The following ACSS3 variants were observed in gnomAD, a reference collection of about 807,000 sequenced individuals.
ACSS3 encodes the protein acyl-CoA synthetase short-chain family member 3, mitochondrial.
ACSS3 carries 64 observed loss-of-function variants against 84.2 expected under a neutral mutation model. That is an observed-to-expected ratio of 0.76 (90% CI 0.62 to 0.94). The LOEUF (loss-of-function observed/expected upper bound fraction) is 0.94, where lower values mean the gene tolerates loss of function less well. Ranked by LOEUF, ACSS3 falls within the 40% of genes least tolerant of loss-of-function variation. The pLI is 0.00. For missense variants in ACSS3, 815 were observed against 867.6 expected, an observed-to-expected ratio of 0.94 and a Z score of 0.76; for synonymous variants, 317 against 310.1, an observed-to-expected ratio of 1.02 and a Z score of -0.23.
intron 2 of ACSS3, among the ~76,000 whole-genome samples, chr12:81,133,582 C>T (rs1885636245): frequency 6.6e-6 from 1 of 152,024 alleles, no homozygotes; most frequent in African/African-American, 2.4e-5. Context: ...TCAACTTCTA[C>T]ATGTCTTACA....
chr12:81,134,797 T>C lies in ACSS3; in HGVS notation c.457-19T>C. ...AATAATACAAAATACACTTTACTGA[T>C]TTAATGGTCTTGGCATAGGTCTCCA... On this transcript the variant is annotated intron_variant, in intron 2 of 15. Transcript: ENST00000548058. 6.7e-7 allele frequency: 1 copy of C among 1,501,028 alleles called. No homozygotes were observed. The allele number at this position is 1,501,028 out of a possible 1,614,324, so 93.0% of individuals were successfully genotyped here.
At chr12:81,104,248 A>G (rs1346085584) in intron 1 of ACSS3, among the ~76,000 whole-genome samples, 1 of 152,134 alleles carries the variant, frequency 6.6e-6, no homozygotes, top group Non-Finnish European at 1.5e-5. Context: ...TTAAGAAGCT[A>G]GCAACCGAGA....
chr12:81,223,052 T>C (rs2033161411), intron 11 of ACSS3, among the ~76,000 whole-genome samples: 1 of 152,046 alleles, frequency 6.6e-6, no homozygotes, highest in Non-Finnish European at 1.5e-5. Context: ...GAAATAAAAC[T>C]ATGAGTCAGT....
intron 1 of ACSS3, among the ~76,000 whole-genome samples, chr12:81,097,703 G>T (rs1333097881): frequency 1.3e-5 from 2 of 152,160 alleles, no homozygotes; most frequent in Non-Finnish European, 2.9e-5. Flanking sequence ...GTCTGATGTG[G>T]TTATTGAAAG....
chr12:81,183,011 A>G (rs1219066676), intron 8 of ACSS3, among the ~76,000 whole-genome samples: 1 of 152,172 alleles, frequency 6.6e-6, no homozygotes, highest in Non-Finnish European at 1.5e-5. Flanking sequence ...AAAAATTTTA[A>G]CTGGCAAAGG....
chr12:81,247,567 A>T (rs1472696536), intron 13 of ACSS3, among the ~76,000 whole-genome samples: 2 of 152,066 alleles, frequency 1.3e-5, no homozygotes, highest in African/African-American at 4.8e-5. Context: ...CAGACCTTAA[A>T]TCTTTAAGTT....
intron 8 of ACSS3, among the ~76,000 whole-genome samples, chr12:81,188,752 T>G (rs2031411392): frequency 6.6e-6 from 1 of 152,156 alleles, no homozygotes; most frequent in Non-Finnish European, 1.5e-5. Flanking sequence ...TCAGTTTATT[T>G]ACCTATTTTG....
At chr12:81,089,588 A>T (rs2121319334) in intron 1 of ACSS3, among the ~76,000 whole-genome samples, 1 of 152,096 alleles carries the variant, frequency 6.6e-6, no homozygotes, top group East Asian at 1.9e-4. Flanking sequence ...TGAGTCAAAA[A>T]TATATGTGCA....
chr12:81,206,225 T>C (rs1393409563), intron 9 of ACSS3, among the ~76,000 whole-genome samples: 1 of 152,052 alleles, frequency 6.6e-6, no homozygotes, highest in Non-Finnish European at 1.5e-5. Flanking sequence ...TGCACTATGG[T>C]GGGAGGGTTT....
At position 81,204,810 on chromosome 12, in the gene ACSS3, C is replaced by A. The variant is rs150779724; in HGVS notation, c.1354+5366C>A. The stretch of plus-strand genomic sequence containing the variant: ...CATAGTTGAAATGAAGTAATGACCA[C>A]CAACTTGAGCAGCACTAGGTGATTT... On this transcript the variant is annotated intron_variant, in intron 9 of 15. Transcript: ENST00000548058. 2.1e-3 allele frequency among the ~76,000 whole-genome samples: 320 copies of A among 152,226 alleles called. 1 individual carries two copies. Among genetic ancestry groups the A allele is most frequent in the African/African-American group, 7.0e-3 (291 of 41,554 alleles).
intron 5 of ACSS3, chr12:81,151,630 T>C: frequency 2.3e-6 from 1 of 427,536 alleles, no homozygotes; most frequent in South Asian, 4.4e-5. Flanking sequence ...GAATGGATTC[T>C]AAAAATGGCA....
chr12:81,092,352 AT>A (rs1381413864), intron 1 of ACSS3, among the ~76,000 whole-genome samples: 1 of 152,150 alleles, frequency 6.6e-6, no homozygotes, highest in Admixed American at 6.5e-5. Context: ...GTAAAATAGC[AT>A]TCGTTTTCCT....
At chr12:81,174,977 G>A (rs763796983) in intron 8 of ACSS3, 38 bp downstream of exon 8, 3 of 1,595,028 alleles carry the variant, frequency 1.9e-6, no homozygotes, top group Non-Finnish European at 2.6e-6. Context: ...ACATTAGAAA[G>A]TGCAATCAAA....
At chr12:81,091,481 A>G (rs555447291) in intron 1 of ACSS3, among the ~76,000 whole-genome samples, 4 of 152,014 alleles carry the variant, frequency 2.6e-5, no homozygotes, top group Non-Finnish European at 5.9e-5. Flanking sequence ...AAGATCTCCT[A>G]CATATGTCTA....
chr12:81,143,111 C>T lies in ACSS3; in HGVS notation c.785C>T (p.Ala262Val), dbSNP rs147777981. 168 of 1,611,370 alleles carry T rather than the reference C, an allele frequency of 1.0e-4. No individual in the cohort carries two copies. Among genetic ancestry groups the T allele is most frequent in the Admixed American group, 7.0e-4 (42 of 59,880 alleles). ...TCTTATATTTTTGCTGTGTAGGAGG[C>T]GGTTCCTTTGGCTCCCGGTCGTGAC... ...ILIYNRPNME[A>V]VPLAPGRDLD... is the part of the protein sequence containing the mutation. Residue 262 changes from alanine to valine, a missense_variant, in exon 5 of 16, where the codon GCG (alanine) becomes GTG (valine). Physicochemically the swap from Ala to Val is moderately conservative, Grantham distance 64 (BLOSUM62 0). Transcript: ENST00000548058.
intron 13 of ACSS3, among the ~76,000 whole-genome samples, chr12:81,237,778 T>A (rs939967908): frequency 2.0e-5 from 3 of 151,768 alleles, no homozygotes; most frequent in Admixed American, 2.0e-4. Context: ...TGCAAACAAA[T>A]ACAGTTTTAT....
chr12:81,247,650 TCA>T (rs996563931), intron 13 of ACSS3, among the ~76,000 whole-genome samples: 1 of 152,098 alleles, frequency 6.6e-6, no homozygotes, highest in Non-Finnish European at 1.5e-5. Context: ...AAATTCTATC[TCA>T]GTTTAAATCA....
At chr12:81,238,551 T>G (rs184143787) in intron 13 of ACSS3, among the ~76,000 whole-genome samples, 1 of 152,012 alleles carries the variant, frequency 6.6e-6, no homozygotes, top group Admixed American at 6.6e-5. Context: ...TTAATAAATA[T>G]AGGCCTATTC....
intron 2 of ACSS3, among the ~76,000 whole-genome samples, chr12:81,117,634 A>G (rs1884159754): frequency 6.6e-6 from 1 of 152,192 alleles, no homozygotes; most frequent in South Asian, 2.1e-4. Context: ...ATCATATAGA[A>G]CCTTGCAGGC....
Sources: gnomAD v4.1 joint callset for allele counts (sites outside exome capture counted in the v4.1 genomes callset) on GRCh38, gnomAD v4.1.1 for gene constraint, MANE v1.5 for transcripts, NCBI Gene and HGNC (gene_info 2026-07-23, HGNC 2026-07-21) for gene names.